SLC1A2: variants seen among roughly 807,000 people sequenced by gnomAD.
The protein encoded by SLC1A2 is excitatory amino acid transporter 2.
SLC1A2 carries 15 observed loss-of-function variants against 48.8 expected under a neutral mutation model. The observed-to-expected ratio is 0.31, with a 90% CI of 0.21 to 0.47. SLC1A2 has a LOEUF of 0.47. SLC1A2 is among the 20% of genes least tolerant of loss of function. SLC1A2 has a pLI of 0.99. For missense variants in SLC1A2, 502 were observed against 730.5 expected, an observed-to-expected ratio of 0.69 and a Z score of 3.61; for synonymous variants, 279 against 272.6, an observed-to-expected ratio of 1.02 and a Z score of -0.23.
At chr11:35,317,080 C>T (rs1484619508) in intron 2 of SLC1A2, 3 of 319,532 alleles carry the variant, frequency 9.4e-6, no homozygotes, top group Admixed American at 4.2e-5. Flanking sequence ...GATTGCAGGA[C>T]CTCATTTCAG....
intron 1 of SLC1A2, among the ~76,000 whole-genome samples, chr11:35,400,751 T>TA (rs1167761433): frequency 6.6e-6 from 1 of 152,218 alleles, no homozygotes; most frequent in African/African-American, 2.4e-5. Flanking sequence ...AGAAGTCTTT[T>TA]AGTGTTTACT....
At chr11:35,339,891 T>C (rs887247983) in intron 1 of SLC1A2, among the ~76,000 whole-genome samples, 2 of 152,234 alleles carry the variant, frequency 1.3e-5, no homozygotes, top group African/African-American at 4.8e-5. Context: ...TAGCTCTGTT[T>C]AAATGTTTTC....
rs183119068 is a variant in SLC1A2 at position 35,300,749 on chromosome 11, C to T, written c.857+770G>A. 1.8e-3 allele frequency among the ~76,000 whole-genome samples: 278 copies of T among 152,308 alleles called. 5 individuals carry two copies. The highest frequency in any genetic ancestry group is 7.2e-4 in the Non-Finnish European group (49 of 68,034). The stretch of plus-strand genomic sequence containing the variant: ...TCTCTTTTCATGCTGAGCGAGGTGG[C>T]TCATGCCTATAATCCCAGCACTTTG... On this transcript the variant is annotated intron_variant, in intron 6 of 10. Coordinates refer to ENST00000278379, the MANE Select transcript of SLC1A2 (RefSeq NM_004171.4).
intron 1 of SLC1A2, chr11:35,404,345 T>C (rs1467794999): frequency 6.6e-6 from 1 of 152,348 alleles, no homozygotes; most frequent in Non-Finnish European, 1.5e-5. Context: ...GCAAATCTTG[T>C]TCGAACCCCG....
At chr11:35,277,183 A>AAT (rs1286387044) in intron 9 of SLC1A2, among the ~76,000 whole-genome samples, 1 of 152,210 alleles carries the variant, frequency 6.6e-6, no homozygotes, top group East Asian at 1.9e-4. Context: ...GGACTGGACA[A>AAT]ATATTCAAAC....
chr11:35,304,773 C>T lies in SLC1A2; in HGVS notation c.730+1301G>A, dbSNP rs188023646. The stretch of plus-strand genomic sequence containing the variant: ...ATTTGGAACAAACAAACAAACATGA[C>T]ACTCAATTACTTTTTGAATTTCAGG... On this transcript the variant is annotated intron_variant, in intron 5 of 10. Transcript: ENST00000278379. 1.9e-3 allele frequency among the ~76,000 whole-genome samples: 284 copies of T among 152,202 alleles called. 7 individuals carry two copies. The highest frequency in any genetic ancestry group is 3.7e-4 in the Non-Finnish European group (25 of 68,026).
At chr11:35,374,785 T>C (rs1854171846) in intron 1 of SLC1A2, among the ~76,000 whole-genome samples, 2 of 150,848 alleles carry the variant, frequency 1.3e-5, no homozygotes, top group East Asian at 1.9e-4. Flanking sequence ...ATAACTATTA[T>C]CTTATAATTT....
At chr11:35,320,616 T>C (rs1852025832) in intron 1 of SLC1A2, among the ~76,000 whole-genome samples, 1 of 152,232 alleles carries the variant, frequency 6.6e-6, no homozygotes, top group Non-Finnish European at 1.5e-5. Flanking sequence ...CCTGAGTGCT[T>C]AATCAATGTT....
chr11:35,301,462 T>C (rs1851353084), intron 6 of SLC1A2, 57 bp downstream of exon 6: 7 of 1,583,862 alleles, frequency 4.4e-6, no homozygotes, highest in Non-Finnish European at 5.2e-6. Context: ...CAGTATCCTC[T>C]GGGGACCCCA....
intron 6 of SLC1A2, chr11:35,299,226 C>G (rs1007546448): frequency 6.6e-6 from 1 of 152,148 alleles, no homozygotes; most frequent in East Asian, 1.9e-4. Context: ...GTAATCCCAG[C>G]TACTTGGAAG....
chr11:35,326,325 C>T (rs1157805547), intron 1 of SLC1A2, among the ~76,000 whole-genome samples: 1 of 152,228 alleles, frequency 6.6e-6, no homozygotes, highest in Non-Finnish European at 1.5e-5. Context: ...CCAAGAGCCA[C>T]TGGAACCCTG....
At chr11:35,404,352 C>T (rs1478559709) in intron 1 of SLC1A2, 2 of 152,324 alleles carry the variant, frequency 1.3e-5, no homozygotes, top group Non-Finnish European at 2.9e-5. Flanking sequence ...TTGTTCGAAC[C>T]CCGCTGATGA....
intron 9 of SLC1A2, among the ~76,000 whole-genome samples, chr11:35,273,111 G>A (rs1427241134): frequency 6.6e-6 from 1 of 152,106 alleles, no homozygotes; most frequent in Non-Finnish European, 1.5e-5. Context: ...ATATAAAAAG[G>A]TCAAATATTG....
At chr11:35,261,407 T>C (rs1362878773) in intron 10 of SLC1A2, among the ~76,000 whole-genome samples, 1 of 152,206 alleles carries the variant, frequency 6.6e-6, no homozygotes, top group Admixed American at 6.5e-5. Flanking sequence ...GGCATACGTG[T>C]CTAATTTTTA....
chr11:35,362,937 A>T (rs1853728961), intron 1 of SLC1A2, among the ~76,000 whole-genome samples: 1 of 152,206 alleles, frequency 6.6e-6, no homozygotes, highest in Non-Finnish European at 1.5e-5. Flanking sequence ...CACATTCTAA[A>T]TGCTTCACAT....
rs541319843 is a variant in SLC1A2 at position 35,260,936 on chromosome 11, G to A, written c.1683C>T (p.Ala561=). Residue 561 remains alanine, a synonymous_variant, in exon 11 of 11, where the codon GCC becomes GCT. Coordinates refer to ENST00000278379, the MANE Select transcript of SLC1A2 (RefSeq NM_004171.4). The stretch of plus-strand genomic sequence containing the variant: ...AAGGTTCTTCCTCAACACTGCAGTC[G>A]GCTGACTTTCCATTGGCTGCCAGAG... ...KVTLAANGKS[A]DCSVEEEPWK... is the part of the protein sequence containing the mutation. 63 of 1,613,678 alleles carry A rather than the reference G, an allele frequency of 3.9e-5. No homozygotes were observed. The highest frequency in any genetic ancestry group is 1.8e-4 in the East Asian group (8 of 44,874).
chr11:35,266,357 T>C (rs1274846535), intron 9 of SLC1A2, among the ~76,000 whole-genome samples: 1 of 152,192 alleles, frequency 6.6e-6, no homozygotes, highest in Non-Finnish European at 1.5e-5. Context: ...AATCCAGCCA[T>C]AATTTTCTCA....
At chr11:35,384,374 GTC>G (rs534920859) in intron 1 of SLC1A2, among the ~76,000 whole-genome samples, 75 of 152,292 alleles carry the variant, frequency 4.9e-4, no homozygotes, top group African/African-American at 1.8e-3. Flanking sequence ...CTCCTGGATT[GTC>G]TGAGTTCTGA....
At chr11:35,401,720 C>T (rs1328082668) in intron 1 of SLC1A2, among the ~76,000 whole-genome samples, 4 of 152,120 alleles carry the variant, frequency 2.6e-5, no homozygotes, top group Non-Finnish European at 5.9e-5. Flanking sequence ...CCTTTATCCA[C>T]GTACCTACTC....
Sources: gnomAD v4.1 joint callset for allele counts (sites outside exome capture counted in the v4.1 genomes callset) on GRCh38, gnomAD v4.1.1 for gene constraint, MANE v1.5 for transcripts, NCBI Gene and HGNC (gene_info 2026-07-23, HGNC 2026-07-21) for gene names.